MAP3K4: variants seen among roughly 807,000 people sequenced by gnomAD.
MAP3K4 encodes the protein MAP three kinase 1.
A neutral mutation model predicts 185.6 loss-of-function variants in MAP3K4; 67 were observed. The observed-to-expected ratio is 0.36, with a 90% CI of 0.30 to 0.44. MAP3K4 has a LOEUF of 0.44. Ranked by LOEUF, MAP3K4 falls within the 20% of genes least tolerant of loss-of-function variation. The pLI is 1.00. For missense variants in MAP3K4, 1,551 were observed against 1,995.1 expected, an observed-to-expected ratio of 0.78 and a Z score of 4.24; for synonymous variants, 702 against 710.4, an observed-to-expected ratio of 0.99 and a Z score of 0.19.
rs1457051925 is a variant in MAP3K4 at position 161,056,143 on chromosome 6, C to T, written c.1707+6164C>T. 3.9e-5 allele frequency among the ~76,000 whole-genome samples: 6 copies of T among 152,094 alleles called. No homozygotes were observed. Among genetic ancestry groups the T allele is most frequent in the South Asian group, 4.1e-4 (2 of 4,820 alleles). ...CCTTCTGTGTCGTTTGATATGCTCC[C>T]CTCTTTTGTTGTATTATTTTCCTTT... is the stretch of plus-strand genomic sequence containing the variant. On this transcript the variant is annotated intron_variant, in intron 3 of 26. Transcript: ENST00000392142. The surrounding 1 kb of genome is among the most constrained non-coding windows in gnomAD (Gnocchi z 5.4).
intron 2 of MAP3K4, among the ~76,000 whole-genome samples, chr6:161,040,052 A>G (rs567739262): frequency 1.3e-5 from 2 of 152,250 alleles, no homozygotes; most frequent in African/African-American, 2.4e-5. Flanking sequence ...AATTTGGTAG[A>G]TATTGTGCGT....
At position 161,112,285 on chromosome 6, in the gene MAP3K4, A is replaced by G. The variant is rs1583251323; in HGVS notation, c.4519+327A>G. Among the ~76,000 whole-genome samples, 1 of 151,886 alleles carries G rather than the reference A, an allele frequency of 6.6e-6. No homozygotes were observed. Among genetic ancestry groups the G allele is most frequent in the Admixed American group, 6.6e-5 (1 of 15,236 alleles). On this transcript the variant is annotated intron_variant, in intron 24 of 26. Coordinates refer to ENST00000392142, the MANE Select transcript of MAP3K4 (RefSeq NM_005922.4). This position sits in a 1 kb window ranked among gnomAD's most constrained non-coding sequence, Gnocchi z 5.1. Reference sequence around the variant, plus strand: ...TCTGTAATGTGGCTTACCCCGAATCACTCAGCATACACCAGTCTCGTTGGC... The same window carrying G: ...TCTGTAATGTGGCTTACCCCGAATCGCTCAGCATACACCAGTCTCGTTGGC...
At chr6:161,095,894 A>G (rs2114878757) in intron 15 of MAP3K4, among the ~76,000 whole-genome samples, 1 of 152,336 alleles carries the variant, frequency 6.6e-6, no homozygotes, top group Non-Finnish European at 1.5e-5. Context: ...GTTTCATGCA[A>G]AACATGTGCA....
intron 23 of MAP3K4, 101 bp from the exon 24 acceptor site, chr6:161,111,735 G>A: frequency 8.7e-7 from 1 of 1,148,474 alleles, no homozygotes; most frequent in Non-Finnish European, 1.3e-6. Context: ...CCTTTCGATT[G>A]TTTAGCTTGT....
At chr6:161,090,583 C>T (rs74946931) in intron 11 of MAP3K4, among the ~76,000 whole-genome samples, 1 of 111,828 alleles carries the variant, frequency 8.9e-6, no homozygotes, top group African/African-American at 3.3e-5. Flanking sequence ...TGGATGTGGA[C>T]GTTTGGGCCC....
rs774553126 is a variant in MAP3K4, at chr6:161,086,572, C to A, written c.2473-12C>A. ...TAACCGTAAAGAAGTTTCTTTGTAA[C>A]TGTGATCCTAGGACCTGGAAATAGC... is the stretch of plus-strand genomic sequence containing the variant. On this transcript the variant is annotated splice_polypyrimidine_tract_variant and intron_variant, in intron 8 of 26. Transcript: ENST00000392142. The surrounding 1 kb of genome is among the most constrained non-coding windows in gnomAD (Gnocchi z 4.8). 1 of 1,611,870 alleles carries A rather than the reference C, an allele frequency of 6.2e-7. No individual in the cohort carries two copies. The highest frequency in any genetic ancestry group is 8.5e-7 in the Non-Finnish European group (1 of 1,178,920).
intron 19 of MAP3K4, among the ~76,000 whole-genome samples, chr6:161,104,127 A>G (rs1257068990): frequency 6.6e-6 from 1 of 152,158 alleles, no homozygotes; most frequent in Non-Finnish European, 1.5e-5. Context: ...CATATTAAAG[A>G]CCAAGGGCTG....
In MAP3K4 at chr6:161,007,965, C is replaced by T. The variant is rs1045944270; in HGVS notation, c.152+15882C>T. 6.6e-6 allele frequency among the ~76,000 whole-genome samples: 1 copy of T among 152,064 alleles called. No individual in the cohort carries two copies. Among genetic ancestry groups the T allele is most frequent in the Non-Finnish European group, 1.5e-5 (1 of 68,030 alleles). ...TGTTTTAAAATCAGTGAAGTATGGC[C>T]TTGACTCTTGCTTCTAATTAAACTT... On this transcript the variant is annotated intron_variant, in intron 1 of 26. Coordinates refer to ENST00000392142, the MANE Select transcript of MAP3K4 (RefSeq NM_005922.4). This position sits in a 1 kb window ranked among gnomAD's most constrained non-coding sequence, Gnocchi z 4.5.
In MAP3K4 at chr6:161,048,914, T is replaced by C. The variant is rs1258732735; in HGVS notation, c.642T>C (p.Ser214=). ...MPIARPARQT[S]RTDCPADRLK... is the part of the protein sequence containing the mutation. ...TAGCCAGACCTGCACGCCAGACTTCTAGGACTGACTGTCCAGCAGATCGTT... is the reference window on the plus strand; with the variant it reads ...TAGCCAGACCTGCACGCCAGACTTCCAGGACTGACTGTCCAGCAGATCGTT... The change falls in exon 3 of 27, where the codon TCT becomes TCC. Residue 214 remains serine, a synonymous_variant. Coordinates refer to ENST00000392142, the MANE Select transcript of MAP3K4 (RefSeq NM_005922.4). This position sits in a 1 kb window ranked among gnomAD's most constrained non-coding sequence, Gnocchi z 4.7. 6.2e-7 allele frequency: 1 copy of C among 1,614,154 alleles called. No homozygotes were observed. Among genetic ancestry groups the C allele is most frequent in the East Asian group, 2.2e-5 (1 of 44,890 alleles).
At chr6:161,028,123 C>A (rs141772956) in intron 1 of MAP3K4, among the ~76,000 whole-genome samples, 13 of 152,270 alleles carry the variant, frequency 8.5e-5, no homozygotes, top group Non-Finnish European at 1.9e-4. Context: ...CACATTCAAG[C>A]GTAGATATGC....
intron 1 of MAP3K4, among the ~76,000 whole-genome samples, chr6:161,000,365 T>G (rs1408713127): frequency 6.6e-6 from 1 of 152,182 alleles, no homozygotes; most frequent in African/African-American, 2.4e-5. Context: ...AAGTACACTA[T>G]TTGTCTACTA....
Position 161,098,644 on chromosome 6 carries a change from T to A in MAP3K4, c.3674+217T>A, listed in dbSNP as rs1777691296. On this transcript the variant is annotated intron_variant, in intron 17 of 26. Coordinates refer to ENST00000392142, the MANE Select transcript of MAP3K4 (RefSeq NM_005922.4). This position sits in a 1 kb window ranked among gnomAD's most constrained non-coding sequence, Gnocchi z 4.4. ...TCTGATGTCAGTATTTCTTTGGAGC[T>A]GATATTAGCCAAAATGACTAAAGAC... 6.6e-6 allele frequency among the ~76,000 whole-genome samples: 1 copy of A among 152,218 alleles called. No individual in the cohort carries two copies. The highest frequency in any genetic ancestry group is 1.5e-5 in the Non-Finnish European group (1 of 68,042).
Position 161,022,354 on chromosome 6 carries a change from C to G in MAP3K4, c.153-11905C>G, listed in dbSNP as rs1222613331. 6 of 152,252 alleles carry G rather than the reference C, an allele frequency of 3.9e-5. No individual in the cohort carries two copies. Among genetic ancestry groups the G allele is most frequent in the Non-Finnish European group, 8.8e-5 (6 of 68,052 alleles). The allele number at this position is 152,252 out of a possible 1,614,324, so 9.4% of individuals were successfully genotyped here. On this transcript the variant is annotated intron_variant, in intron 1 of 26. Transcript: ENST00000392142. This position sits in a 1 kb window ranked among gnomAD's most constrained non-coding sequence, Gnocchi z 4.2. ...CATTTAACTTGTAGCCAAGCTAGGT[C>G]TCCCTGGAGCTGAATTTAGATGCAG... is the stretch of plus-strand genomic sequence containing the variant.
In MAP3K4 at chr6:161,110,139, A is replaced by G. The variant is rs1379279670; in HGVS notation, c.4396+225A>G. ...TCTGTTCAACACTGCTTTTAGAGAA[A>G]TCTGTTTTCCCAAAATGAAGTTTGC... On this transcript the variant is annotated intron_variant, in intron 23 of 26. Coordinates refer to ENST00000392142, the MANE Select transcript of MAP3K4 (RefSeq NM_005922.4). This position sits in a 1 kb window ranked among gnomAD's most constrained non-coding sequence, Gnocchi z 4.8. Among the ~76,000 whole-genome samples the G allele has an allele frequency of 2.0e-5, 3 of 152,178 alleles. No homozygotes were observed. The highest frequency in any genetic ancestry group is 4.4e-5 in the Non-Finnish European group (3 of 68,032).
chr6:160,995,882 T>G (rs1446730039), intron 1 of MAP3K4, among the ~76,000 whole-genome samples: 2 of 152,232 alleles, frequency 1.3e-5, no homozygotes, highest in Non-Finnish European at 2.9e-5. Context: ...TCATTTAAAA[T>G]ATTTATATTA....
rs940381940 is a variant in MAP3K4, at chr6:161,008,851, G to A, written c.152+16768G>A. 6.6e-6 allele frequency among the ~76,000 whole-genome samples: 1 copy of A among 152,074 alleles called. No individual in the cohort carries two copies. Among genetic ancestry groups the A allele is most frequent in the African/African-American group, 2.4e-5 (1 of 41,390 alleles). The stretch of plus-strand genomic sequence containing the variant: ...GAGGTTCATCTATGTTGTTTTGGTT[G>A]ATGGTGGTTCTTTCATTCTTGCTAC... On this transcript the variant is annotated intron_variant, in intron 1 of 26. Coordinates refer to ENST00000392142, the MANE Select transcript of MAP3K4 (RefSeq NM_005922.4). This position sits in a 1 kb window ranked among gnomAD's most constrained non-coding sequence, Gnocchi z 4.1.
rs779025766 is a variant in MAP3K4 at position 161,106,470 on chromosome 6, G to C, written c.3857-44G>C. 1.4e-6 allele frequency: 2 copies of C among 1,444,496 alleles called. No homozygotes were observed. Among genetic ancestry groups the C allele is most frequent in the Non-Finnish European group, 1.9e-6 (2 of 1,058,352 alleles). 89.5% of individuals were successfully genotyped at this position (1,444,496 alleles called of 1,614,324 possible). A position where few individuals can be genotyped will look rare whatever the true frequency, so the allele number is the denominator to read the frequency against. ...TGGTTTGTCTTTTGGAAACTGACTT[G>C]ATAACAGTGATTGGGACTAATGAGG... On this transcript the variant is annotated intron_variant, in intron 19 of 26. Transcript: ENST00000392142. The surrounding 1 kb of genome is among the most constrained non-coding windows in gnomAD (Gnocchi z 4.9).
Position 161,017,281 on chromosome 6 carries a change from C to T in MAP3K4, c.153-16978C>T, listed in dbSNP as rs929560303. On this transcript the variant is annotated intron_variant, in intron 1 of 26. Coordinates refer to ENST00000392142, the MANE Select transcript of MAP3K4 (RefSeq NM_005922.4). This position sits in a 1 kb window ranked among gnomAD's most constrained non-coding sequence, Gnocchi z 5.1. The stretch of plus-strand genomic sequence containing the variant: ...AATTAGTATATTAGAATTTTTATTT[C>T]GATGATCCTAGCTAAGTCAAAACAA... 5.3e-5 allele frequency among the ~76,000 whole-genome samples: 8 copies of T among 151,944 alleles called. No homozygotes were observed. Among genetic ancestry groups the T allele is most frequent in the South Asian group, 2.1e-4 (1 of 4,814 alleles).
Position 161,108,030 on chromosome 6 carries a change from T to TA in MAP3K4, c.4119+62dup, listed in dbSNP as rs1442398710. 59 of 1,459,874 alleles carry TA rather than the reference T, an allele frequency of 4.0e-5. No homozygotes were observed. In the African/African-American group the frequency reaches 7.1e-4, roughly 18 times the overall value. 90.4% of individuals were successfully genotyped at this position (1,459,874 alleles called of 1,614,324 possible). ...GCGGCTCTGGGTGATAGAAATTCCGTATAGACGCTGGTCGTGATTCAGTTC... is the reference window on the plus strand; with the variant it reads ...GCGGCTCTGGGTGATAGAAATTCCGTAATAGACGCTGGTCGTGATTCAGTTC... On this transcript the variant is annotated intron_variant, in intron 21 of 26. Transcript: ENST00000392142. This position sits in a 1 kb window ranked among gnomAD's most constrained non-coding sequence, Gnocchi z 5.7.
Sources: allele counts gnomAD v4.1 joint callset (sites outside exome capture counted in the v4.1 genomes callset), GRCh38; gene constraint gnomAD v4.1.1; non-coding constraint Gnocchi (gnomAD v3.1); transcripts MANE v1.5; gene names NCBI Gene and HGNC (gene_info 2026-07-23, HGNC 2026-07-21).